The following TCN2 variants were observed in gnomAD, a reference collection of about 807,000 sequenced individuals.
TCN2 encodes transcobalamin-2.
Under a neutral mutation model 48.6 loss-of-function variants are expected in TCN2, and 34 were observed. That is an observed-to-expected ratio of 0.70 (90% CI 0.53 to 0.93). TCN2 has a LOEUF of 0.93. Ranked by LOEUF, TCN2 falls within the 40% of genes least tolerant of loss-of-function variation. The pLI, the probability that TCN2 is intolerant of heterozygous loss-of-function variation, is 0.00. For synonymous variants in TCN2, 283 were observed against 212.5 expected, an observed-to-expected ratio of 1.33 and a Z score of -2.89; for missense variants, 652 against 526.1, an observed-to-expected ratio of 1.24 and a Z score of -2.34.
intron 6 of TCN2, among the ~76,000 whole-genome samples, chr22:30,617,000 C>T (rs766293157): frequency 6.6e-6 from 1 of 152,024 alleles, no homozygotes; most frequent in Non-Finnish European, 1.5e-5. Context: ...TGAACAAATG[C>T]ATGTTCTAGG....
chr22:30,613,152 C>A, intron 3 of TCN2, 110 bp downstream of exon 3: 1 of 1,449,090 alleles, frequency 6.9e-7, no homozygotes, highest in Non-Finnish European at 9.4e-7. Context: ...GTCTTTCCCA[C>A]CATCCATTCT....
chr22:30,608,679 C>T (rs1025013793), intron 1 of TCN2, among the ~76,000 whole-genome samples: 13 of 151,966 alleles, frequency 8.6e-5, no homozygotes, highest in Admixed American at 1.3e-4. Context: ...CGTGAGCCAC[C>T]GTGCCCGGCC....
chr22:30,623,373 A>G (rs1008287299), intron 8 of TCN2: 2 of 330,862 alleles, frequency 6.0e-6, no homozygotes, highest in African/African-American at 4.3e-5. Flanking sequence ...TTATTTTGAG[A>G]TGGAGTTTCG....
At chr22:30,610,342 C>T (rs2087518182) in intron 1 of TCN2, 5 of 469,178 alleles carry the variant, frequency 1.1e-5, no homozygotes, top group Middle Eastern at 3.3e-4. Context: ...ATGTGTAACA[C>T]GTTCTGCATG....
chr22:30,617,563 A>G (rs1485171341), intron 7 of TCN2, 68 bp downstream of exon 7: 19 of 1,605,870 alleles, frequency 1.2e-5, no homozygotes, highest in Admixed American at 5.0e-5. Context: ...GTCACAGAAG[A>G]GACGGGGAAC....
At position 30,624,453 on chromosome 22, in the gene TCN2, T is replaced by A. The variant is rs73170811; in HGVS notation, c.1222+1370T>A. ...TGATACTCCACCCCTGAAGAACTTT[T>A]ATGGGGCACTTACCATGTGTCAAGC... On this transcript the variant is annotated intron_variant, in intron 8 of 8. Coordinates refer to ENST00000215838, the MANE Select transcript of TCN2 (RefSeq NM_000355.4). Among the ~76,000 whole-genome samples the A allele has an allele frequency of 4.2e-3, 645 of 152,246 alleles. 3 individuals carry two copies. The highest frequency in any genetic ancestry group is 6.6e-3 in the Non-Finnish European group (447 of 68,016).
At chr22:30,614,239 C>A in intron 3 of TCN2, 110 bp from the exon 4 acceptor site, 3 of 1,420,238 alleles carry the variant, frequency 2.1e-6, no homozygotes, top group African/African-American at 1.4e-5. Flanking sequence ...TGAAGGATCC[C>A]ATGACCCAAA....
intron 2 of TCN2, 115 bp downstream of exon 2, chr22:30,611,178 C>T (rs2087535197): frequency 9.3e-6 from 12 of 1,297,132 alleles, no homozygotes; most frequent in South Asian, 3.6e-5. Context: ...AAATTTTCTC[C>T]ATCTATAGAA....
intron 4 of TCN2, among the ~76,000 whole-genome samples, 177 bp from the exon 5 acceptor site, chr22:30,615,124 G>A (rs905887378): frequency 2.6e-5 from 4 of 152,108 alleles, no homozygotes; most frequent in Admixed American, 2.6e-4. Flanking sequence ...TCCAGACAAG[G>A]AAAGTCTTGG....
rs147831001 is a variant in TCN2 at position 30,611,750 on chromosome 22, C to T, written c.257+687C>T. On this transcript the variant is annotated intron_variant, in intron 2 of 8. Coordinates refer to ENST00000215838, the MANE Select transcript of TCN2 (RefSeq NM_000355.4). ...CTTGAACTCCTGACCTCAGGTGATCCGCCTGTCTTGGCTTCCCAAAGTGTT... is the reference window on the plus strand; with the variant it reads ...CTTGAACTCCTGACCTCAGGTGATCTGCCTGTCTTGGCTTCCCAAAGTGTT... Among the ~76,000 whole-genome samples the T allele has an allele frequency of 4.8e-3, 727 of 152,298 alleles. 3 individuals are homozygous for T. The highest frequency in any genetic ancestry group is 0.016 in the African/African-American group (678 of 41,576).
intron 8 of TCN2, among the ~76,000 whole-genome samples, chr22:30,623,799 C>CATATATAT (rs1555896205): frequency 1.2e-3 from 4 of 3,230 alleles, no homozygotes; most frequent in Admixed American, 5.0e-3. Context: ...CATATATACA[C>CATATATAT]ACATACACAT....
At chr22:30,613,149 C>T in intron 3 of TCN2, 107 bp downstream of exon 3, 2 of 1,469,276 alleles carry the variant, frequency 1.4e-6, no homozygotes, top group Non-Finnish European at 1.8e-6. Flanking sequence ...GGCGTCTTTC[C>T]CACCATCCAT....
intron 8 of TCN2, 21 bp from the exon 9 acceptor site, chr22:30,626,439 T>A (rs766519181): frequency 6.2e-7 from 1 of 1,613,994 alleles, no homozygotes; most frequent in African/African-American, 1.3e-5. Flanking sequence ...TCGCCCCTCC[T>A]TGCTCAATCT....
Position 30,607,371 on chromosome 22 carries a change from C to T in TCN2, c.40C>T (p.Leu14=), listed in dbSNP as rs2145529028. The change falls in exon 1 of 9, where the codon CTG becomes TTG. Residue 14 remains leucine (L), a synonymous_variant. Transcript: ENST00000215838. ...GGCCTTCCTCTTCCTTCTGGGGGTC[C>T]TGGGGGCCCTCACTGAGATGTGTGG... ...LGAFLFLLGV[L]GALTEMCEIP... is the part of the protein sequence containing the mutation. 1 of 1,614,124 alleles carries T rather than the reference C, an allele frequency of 6.2e-7. No homozygotes were observed. The highest frequency in any genetic ancestry group is 8.5e-7 in the Non-Finnish European group (1 of 1,180,020).
intron 8 of TCN2, chr22:30,623,394 C>T (rs368031953): frequency 3.3e-6 from 1 of 303,856 alleles, no homozygotes; most frequent in Admixed American, 4.7e-5. Context: ...CTCTTGTTGC[C>T]CAGGCTGGAG....
intron 3 of TCN2, 34 bp from the exon 4 acceptor site, chr22:30,614,315 A>G: frequency 6.2e-7 from 1 of 1,608,008 alleles, no homozygotes; most frequent in East Asian, 2.3e-5. Flanking sequence ...GGGTGGGGGC[A>G]GAGAGGCAAC....
chr22:30,609,303 C>T (rs950540407), intron 1 of TCN2, among the ~76,000 whole-genome samples: 2 of 151,996 alleles, frequency 1.3e-5, no homozygotes, highest in Non-Finnish European at 2.9e-5. Context: ...CTGTCTGGCT[C>T]CTGTGCTTGT....
chr22:30,624,077 TA>T lies in TCN2; in HGVS notation c.1222+995del, dbSNP rs1360258875. The stretch of plus-strand genomic sequence containing the variant: ...ACACACACACATATATATATATATA[TA>T]TATTTTTTTTTTTTGAGATGGAGTC... On this transcript the variant is annotated intron_variant, in intron 8 of 8. Transcript: ENST00000215838. 3.2e-4 allele frequency among the ~76,000 whole-genome samples: 27 copies of T among 84,364 alleles called. 9 individuals carry two copies. Among genetic ancestry groups the T allele is most frequent in the African/African-American group, 4.4e-4 (8 of 18,094 alleles). The allele number at this position is 84,364 out of a possible 152,430, so 55.3% of individuals were successfully genotyped here. A position where few individuals can be genotyped will look rare whatever the true frequency, so the allele number is the denominator to read the frequency against.
chr22:30,621,656 GTAT>G (rs900734020), intron 7 of TCN2, among the ~76,000 whole-genome samples: 34 of 152,238 alleles, frequency 2.2e-4, no homozygotes, highest in Middle Eastern at 3.4e-3. Context: ...CCTAATTTTT[GTAT>G]TATTAGTAGA....
Sources: allele counts gnomAD v4.1 joint callset (sites outside exome capture counted in the v4.1 genomes callset), GRCh38; gene constraint gnomAD v4.1.1; transcripts MANE v1.5; gene names NCBI Gene and HGNC (gene_info 2026-07-23, HGNC 2026-07-21).